Variants in SAMD5 observed in about 807,000 individuals in gnomAD.
SAMD5 encodes the protein sterile alpha motif domain containing 5.
Under a neutral mutation model 11.3 loss-of-function variants are expected in SAMD5, and 13 were observed. The observed-to-expected ratio is 1.15, with a 90% CI of 0.75 to 1.83. The LOEUF is 1.83. SAMD5 is among the 40% of genes most tolerant of loss of function. The pLI is 0.00. For missense variants in SAMD5, 255 were observed against 239.1 expected, an observed-to-expected ratio of 1.07 and a Z score of -0.44; for synonymous variants, 129 against 111.3, an observed-to-expected ratio of 1.16 and a Z score of -1.00.
At chr6:147,919,044 T>C in the SAMD5 span, among the ~76,000 whole-genome samples, 2 of 152,136 alleles carry the variant, frequency 1.3e-5, no homozygotes, top group Admixed American at 6.5e-5. Context: ...GGGCCCAGAA[T>C]TGAGCTGAAA....
chr6:147,902,332 C>T, the SAMD5 span, among the ~76,000 whole-genome samples: 1 of 152,122 alleles, frequency 6.6e-6, no homozygotes, highest in Non-Finnish European at 1.5e-5. Flanking sequence ...AATGAAACTA[C>T]ACCGAGAAAG....
chr6:147,886,470 G>A, the SAMD5 span, among the ~76,000 whole-genome samples: 2 of 152,018 alleles, frequency 1.3e-5, no homozygotes, highest in Admixed American at 1.3e-4. Flanking sequence ...ATTCTAAAGT[G>A]ACCTCTGCCT....
chr6:147,818,707 G>T, the SAMD5 span, among the ~76,000 whole-genome samples: 2 of 152,062 alleles, frequency 1.3e-5, no homozygotes, highest in Non-Finnish European at 2.9e-5. Flanking sequence ...CCAATGGCCC[G>T]GACCTGTCTC....
chr6:147,794,714 C>G, the SAMD5 span, among the ~76,000 whole-genome samples: 1 of 152,112 alleles, frequency 6.6e-6, no homozygotes, highest in Non-Finnish European at 1.5e-5. Flanking sequence ...AGCATGAAAA[C>G]TGAATGCCCT....
rs549835768 is a variant in SAMD5, at chr6:147,569,696, A to G, written c.*5240A>G. 127 of 985,282 alleles carry G rather than the reference A, an allele frequency of 1.3e-4. No individual in the cohort carries two copies. In the South Asian group the frequency reaches 3.2e-3, roughly 25 times the overall value. 61.0% of individuals were successfully genotyped at this position (985,282 alleles called of 1,614,324 possible). ...AAGCTTGTCAATGTTTAGAGATACT[A>G]TTCGGGTTGCTAAAGCCATTATTCA... On this transcript the variant is annotated 3_prime_UTR_variant, in exon 2 of 2. Transcript: ENST00000367474.
chr6:147,925,099 A>G, the SAMD5 span, among the ~76,000 whole-genome samples: 1 of 152,186 alleles, frequency 6.6e-6, no homozygotes, highest in Non-Finnish European at 1.5e-5. Context: ...TGCAAAATTC[A>G]TATATTGAAA....
the SAMD5 span, among the ~76,000 whole-genome samples, chr6:147,818,286 A>G: frequency 6.6e-6 from 1 of 152,316 alleles, no homozygotes; most frequent in Non-Finnish European, 1.5e-5. Context: ...AGTTTCTTCC[A>G]TTGCAAGAAT....
At chr6:147,918,261 C>G in the SAMD5 span, among the ~76,000 whole-genome samples, 17 of 152,246 alleles carry the variant, frequency 1.1e-4, no homozygotes, top group Non-Finnish European at 2.2e-4. Context: ...TGTAGTTCTG[C>G]TTGAAGAGGT....
rs539486720 is a variant in SAMD5 at position 147,536,225 on chromosome 6, T to C, written c.459+26838T>C. Reference sequence around the variant, plus strand: ...GTCTCAATCTCCTGACCTCGTGATCTGCCCTCCACAGCCTTCCAAAGTGCT... The same window carrying C: ...GTCTCAATCTCCTGACCTCGTGATCCGCCCTCCACAGCCTTCCAAAGTGCT... On this transcript the variant is annotated intron_variant, in intron 1 of 1. Coordinates refer to ENST00000367474, the MANE Select transcript of SAMD5 (RefSeq NM_001030060.3). Among the ~76,000 whole-genome samples, 130 of 152,272 alleles carry C rather than the reference T, an allele frequency of 8.5e-4. 1 individual carries two copies. The highest frequency in any genetic ancestry group is 3.1e-3 in the African/African-American group (128 of 41,566).
At chr6:147,937,386 G>T in the SAMD5 span, among the ~76,000 whole-genome samples, 1 of 152,164 alleles carries the variant, frequency 6.6e-6, no homozygotes, top group Admixed American at 6.5e-5. Context: ...ATTCCTTAAA[G>T]TAGGGCTCTC....
intron 1 of SAMD5, among the ~76,000 whole-genome samples, chr6:147,698,451 C>G (rs62436334): frequency 1.3e-5 from 2 of 152,134 alleles, no homozygotes; most frequent in Admixed American, 6.5e-5. Context: ...GCTAACTCCT[C>G]CTTGTTTTTC....
chr6:147,789,623 G>A, the SAMD5 span, among the ~76,000 whole-genome samples: 2 of 152,032 alleles, frequency 1.3e-5, no homozygotes, highest in Non-Finnish European at 2.9e-5. Flanking sequence ...CTGATACATT[G>A]TTATTATCAT....
At chr6:147,826,564 G>A in the SAMD5 span, among the ~76,000 whole-genome samples, 2 of 152,150 alleles carry the variant, frequency 1.3e-5, no homozygotes, top group Non-Finnish European at 2.9e-5. Flanking sequence ...CAATAACAAA[G>A]CATCGTGAGG....
At chr6:147,893,607 G>A in the SAMD5 span, among the ~76,000 whole-genome samples, 1 of 152,096 alleles carries the variant, frequency 6.6e-6, no homozygotes, top group Admixed American at 6.6e-5. Context: ...AAATGTGGTA[G>A]CTTCCACCAG....
chr6:147,816,944 GAA>G, the SAMD5 span, among the ~76,000 whole-genome samples: 3 of 149,392 alleles, frequency 2.0e-5, no homozygotes, highest in African/African-American at 4.9e-5. Flanking sequence ...GAGACATGTA[GAA>G]AAAAAAAACA....
At chr6:147,860,459 G>A in the SAMD5 span, among the ~76,000 whole-genome samples, 7 of 152,278 alleles carry the variant, frequency 4.6e-5, no homozygotes, top group East Asian at 5.8e-4. Context: ...TCCATTGCAC[G>A]TCTTTAAACA....
At chr6:147,728,041 T>C (rs1420308629) in intron 1 of SAMD5, among the ~76,000 whole-genome samples, 1 of 152,130 alleles carries the variant, frequency 6.6e-6, no homozygotes, top group South Asian at 2.1e-4. Flanking sequence ...TAAATGAAAA[T>C]TAAATGATAA....
intron 1 of SAMD5, among the ~76,000 whole-genome samples, chr6:147,655,191 G>C (rs1016691022): frequency 2.6e-5 from 4 of 152,084 alleles, no homozygotes; most frequent in Non-Finnish European, 5.9e-5. Flanking sequence ...TATTCTCAAA[G>C]TGAAGAAGGC....
the SAMD5 span, among the ~76,000 whole-genome samples, chr6:147,794,140 C>T: frequency 3.9e-4 from 59 of 152,046 alleles, no homozygotes; most frequent in Non-Finnish European, 5.9e-4. Flanking sequence ...TAATAAATAG[C>T]ACTTATTTGA....
Sources: allele counts gnomAD v4.1 joint callset (sites outside exome capture counted in the v4.1 genomes callset), GRCh38; gene constraint gnomAD v4.1.1; transcripts MANE v1.5; gene names NCBI Gene and HGNC (gene_info 2026-07-23, HGNC 2026-07-21).